TMBIM4: variants seen among roughly 807,000 people sequenced by gnomAD.
The protein encoded by TMBIM4 is transmembrane BAX inhibitor motif containing 4.
In TMBIM4, 28 loss-of-function variants were observed where a neutral mutation model predicts 27.7. The observed-to-expected ratio is 1.01, with a 90% CI of 0.75 to 1.38. The LOEUF (loss-of-function observed/expected upper bound fraction) is 1.38, where lower values mean the gene tolerates loss of function less well. Ranked by LOEUF, TMBIM4 falls within the 40% of genes most tolerant of loss-of-function variation. The probability of loss-of-function intolerance (pLI) is 0.00; values close to 1 mark genes in which losing one functional copy is unlikely to be tolerated. For synonymous variants in TMBIM4, 115 were observed against 113.1 expected (o/e 1.02, Z -0.11); for missense variants, 265 against 277.5 (o/e 0.95, Z 0.32).
intron 1 of TMBIM4, chr12:66,169,047 T>G (rs767389046): frequency 3.0e-5 from 11 of 364,674 alleles, no homozygotes; most frequent in Admixed American, 9.6e-5. Context: ...TCTTCATCTT[T>G]CCTTTTCCAG....
At chr12:66,151,339 G>C (rs1015180976) in intron 3 of TMBIM4, among the ~76,000 whole-genome samples, 2 of 152,144 alleles carry the variant, frequency 1.3e-5, no homozygotes, top group African/African-American at 4.8e-5. Context: ...CCCCGTTACA[G>C]TGATCCTCCC....
intron 1 of TMBIM4, chr12:66,169,069 G>A: frequency 2.4e-6 from 1 of 423,840 alleles, no homozygotes; most frequent in Non-Finnish European, 4.2e-6. Flanking sequence ...ACAAGTTCTA[G>A]GCACTAAGAT....
intron 1 of TMBIM4, among the ~76,000 whole-genome samples, chr12:66,162,526 G>C (rs2052059551): frequency 6.6e-6 from 1 of 152,166 alleles, no homozygotes; most frequent in Non-Finnish European, 1.5e-5. Context: ...TCACAGTCGA[G>C]GGGCCGGGGG....
chr12:66,144,037 C>A (rs543934509), intron 5 of TMBIM4, among the ~76,000 whole-genome samples: 2 of 152,098 alleles, frequency 1.3e-5, no homozygotes, highest in African/African-American at 4.8e-5. Context: ...CAGTGGAGAA[C>A]TGGGCTGTAT....
chr12:66,156,367 T>C (rs1233836765), intron 1 of TMBIM4, among the ~76,000 whole-genome samples: 1 of 152,188 alleles, frequency 6.6e-6, no homozygotes, highest in Non-Finnish European at 1.5e-5. Context: ...AAGTCATCTT[T>C]GATTACCCCC....
rs1198174309 is a variant in TMBIM4 at position 66,135,989 on chromosome 12, C to T, written c.*1971G>A. On this transcript the variant is annotated 3_prime_UTR_variant, in exon 7 of 7. Coordinates refer to ENST00000358230, the MANE Select transcript of TMBIM4 (RefSeq NM_016056.4). ...CTTTGTTCACTTGTTTATCTGCTGA[C>T]CTTCCCTCCACTATTGTCCCATGAC... 1 of 43,858 alleles carries T rather than the reference C, an allele frequency of 2.3e-5. No individual in the cohort carries two copies. The allele number at this position is 43,858 out of a possible 1,614,324, so 2.7% of individuals were successfully genotyped here.
intron 5 of TMBIM4, among the ~76,000 whole-genome samples, chr12:66,142,824 GA>G (rs997310826): frequency 4.9e-4 from 74 of 152,240 alleles, no homozygotes; most frequent in African/African-American, 1.8e-3. Flanking sequence ...AAGACATTAG[GA>G]TAGGGCTGCC....
chr12:66,160,307 T>C, intron 1 of TMBIM4: 2 of 681,984 alleles, frequency 2.9e-6, no homozygotes, highest in East Asian at 2.7e-5. Context: ...TCTGGAGAAC[T>C]GATTAAATCA....
chr12:66,138,022 A>G lies in TMBIM4; in HGVS notation c.655T>C (p.Leu219=), dbSNP rs1417639592. The G allele has an allele frequency of 6.2e-7, 1 of 1,614,114 alleles. No individual in the cohort carries two copies. Among genetic ancestry groups the G allele is most frequent in the African/African-American group, 1.3e-5 (1 of 75,012 alleles). Residue 219 remains leucine (L), a synonymous_variant, in exon 7 of 7, where the codon TTG becomes CTG. Transcript: ENST00000358230. Reference sequence around the variant, plus strand: ...TGCAGGAATAGATTGATGATATCCAAGTAGAGGCTGATGGCAGCTAATACG... The same window carrying G: ...TGCAGGAATAGATTGATGATATCCAGGTAGAGGCTGATGGCAGCTAATACG... ...EYVLAAISLY[L]DIINLFLHLL...
intron 1 of TMBIM4, among the ~76,000 whole-genome samples, chr12:66,158,092 G>A (rs1440237583): frequency 6.6e-6 from 1 of 151,846 alleles, no homozygotes; most frequent in Non-Finnish European, 1.5e-5. Flanking sequence ...TGGGCGTGGT[G>A]GCGGGCGCCT....
At chr12:66,164,982 G>C (rs938009336) in intron 1 of TMBIM4, among the ~76,000 whole-genome samples, 1 of 152,110 alleles carries the variant, frequency 6.6e-6, no homozygotes, top group African/African-American at 2.4e-5. Context: ...ATTTACAACA[G>C]CATCAAAAGG....
intron 5 of TMBIM4, among the ~76,000 whole-genome samples, chr12:66,139,150 TAAC>T (rs2051626280): frequency 6.6e-6 from 1 of 152,214 alleles, no homozygotes; most frequent in Non-Finnish European, 1.5e-5. Flanking sequence ...AACCAAGTAA[TAAC>T]AAGTTATTCT....
At chr12:66,149,011 C>G (rs2051797335) in intron 3 of TMBIM4, among the ~76,000 whole-genome samples, 1 of 152,128 alleles carries the variant, frequency 6.6e-6, no homozygotes, top group Admixed American at 6.5e-5. Flanking sequence ...CTCCACCCTA[C>G]CTGATATCAG....
chr12:66,151,613 G>A (rs1457905117), intron 3 of TMBIM4, among the ~76,000 whole-genome samples: 2 of 152,170 alleles, frequency 1.3e-5, no homozygotes, highest in African/African-American at 2.4e-5. Context: ...TGGATGAGAA[G>A]AGGCAAAATA....
At position 66,145,954 on chromosome 12, in the gene TMBIM4, A is replaced by C; in HGVS notation, c.351T>G (p.Thr117=). 6.7e-7 allele frequency: 1 copy of C among 1,502,290 alleles called. No homozygotes were observed. Among genetic ancestry groups the C allele is most frequent in the Non-Finnish European group, 9.2e-7 (1 of 1,089,948 alleles). 93.1% of individuals were successfully genotyped at this position (1,502,290 alleles called of 1,614,324 possible). The change falls in exon 5 of 7, where the codon ACT becomes ACG. Residue 117 remains threonine (T), a synonymous_variant. Coordinates refer to ENST00000358230, the MANE Select transcript of TMBIM4 (RefSeq NM_016056.4). ...LEALTVAVVV[T]FYDVYIILQA... is the part of the protein sequence containing the mutation. ...GCAGAATAATATATACATCATAGAA[A>C]GTAACTGTAAAATTAAAACACTGAT...
intron 1 of TMBIM4, among the ~76,000 whole-genome samples, chr12:66,154,363 C>T (rs1163704560): frequency 1.3e-5 from 2 of 152,314 alleles, no homozygotes; most frequent in South Asian, 2.1e-4. Flanking sequence ...CCGAAAGCTC[C>T]CTAATAATTG....
At chr12:66,141,103 G>A (rs2051661054) in intron 5 of TMBIM4, among the ~76,000 whole-genome samples, 1 of 151,816 alleles carries the variant, frequency 6.6e-6, no homozygotes, top group South Asian at 2.1e-4. Context: ...CAGACAATAA[G>A]AAATGTTAAA....
chr12:66,137,878 AT>A lies in TMBIM4; in HGVS notation c.*81del. ...TTTATTACTTAATGAAACAGTTTCT[AT>A]ATACTGCTTCCAATTACTTTAATCC... On this transcript the variant is annotated 3_prime_UTR_variant, in exon 7 of 7. Transcript: ENST00000358230. 9.0e-7 allele frequency: 1 copy of A among 1,112,636 alleles called. No individual in the cohort carries two copies. Among genetic ancestry groups the A allele is most frequent in the African/African-American group, 1.6e-5 (1 of 64,188 alleles). The allele number at this position is 1,112,636 out of a possible 1,614,324, so 68.9% of individuals were successfully genotyped here. A position where few individuals can be genotyped will look rare whatever the true frequency, so the allele number is the denominator to read the frequency against.
At chr12:66,166,464 CAAAAAAAAAA>C (rs59822799) in intron 1 of TMBIM4, among the ~76,000 whole-genome samples, 9 of 100,706 alleles carry the variant, frequency 8.9e-5, no homozygotes, top group Non-Finnish European at 1.2e-4. Context: ...TACTTTGTCT[CAAAAAAAAAA>C]AAAAAAAAAA....
Sources: gnomAD v4.1 joint callset for allele counts (sites outside exome capture counted in the v4.1 genomes callset) on GRCh38, gnomAD v4.1.1 for gene constraint, MANE v1.5 for transcripts, NCBI Gene and HGNC (gene_info 2026-07-23, HGNC 2026-07-21) for gene names.